Variants in TLE4 observed in about 807,000 individuals in gnomAD.
The protein encoded by TLE4 is TLE family member 4, transcriptional corepressor.
A neutral mutation model predicts 92.8 loss-of-function variants in TLE4; 8 were observed. The observed-to-expected ratio is 0.09, with a 90% CI of 0.05 to 0.16. The LOEUF (loss-of-function observed/expected upper bound fraction) is 0.16. TLE4 is among the 10% of genes least tolerant of loss of function. The pLI is 1.00. For missense variants in TLE4, 675 were observed against 997.6 expected, an observed-to-expected ratio of 0.68 and a Z score of 4.36; for synonymous variants, 371 against 374.1, an observed-to-expected ratio of 0.99 and a Z score of 0.10.
At chr9:79,648,419 C>G (rs2058434877) in intron 6 of TLE4, among the ~76,000 whole-genome samples, 1 of 152,020 alleles carries the variant, frequency 6.6e-6, no homozygotes, top group East Asian at 1.9e-4. Context: ...ACAGGGAGCC[C>G]TATAAGATGA....
chr9:79,635,357 G>A (rs1321332386), intron 6 of TLE4, among the ~76,000 whole-genome samples: 2 of 150,208 alleles, frequency 1.3e-5, no homozygotes, highest in African/African-American at 4.9e-5. Flanking sequence ...ATTTTTTTGT[G>A]TATTTTGTAA....
At chr9:79,605,498 C>T (rs536325884) in intron 4 of TLE4, among the ~76,000 whole-genome samples, 2 of 152,140 alleles carry the variant, frequency 1.3e-5, no homozygotes, top group East Asian at 1.9e-4. Flanking sequence ...TGCATGTAGG[C>T]GAATAGGCAC....
intron 13 of TLE4, among the ~76,000 whole-genome samples, 165 bp downstream of exon 13, chr9:79,708,951 C>A (rs1351142140): frequency 6.6e-6 from 1 of 152,172 alleles, no homozygotes; most frequent in Non-Finnish European, 1.5e-5. Flanking sequence ...CCCACCTCAG[C>A]CTCTCAAGTA....
chr9:79,656,558 A>G (rs1418404573), intron 8 of TLE4, among the ~76,000 whole-genome samples: 2 of 152,230 alleles, frequency 1.3e-5, no homozygotes, highest in Non-Finnish European at 2.9e-5. Context: ...AATTTTTTAT[A>G]GCTCCTCTAA....
At chr9:79,585,484 G>A (rs1386355337) in intron 4 of TLE4, among the ~76,000 whole-genome samples, 2 of 152,150 alleles carry the variant, frequency 1.3e-5, no homozygotes, top group Non-Finnish European at 2.9e-5. Context: ...TCAGATTCTA[G>A]TTCTGGCCTT....
intron 6 of TLE4, among the ~76,000 whole-genome samples, chr9:79,631,663 T>TG (rs1312981283): frequency 6.7e-5 from 10 of 148,660 alleles, no homozygotes; most frequent in South Asian, 2.1e-4. Flanking sequence ...TGTGTGTGTG[T>TG]TTTCTACATT....
At position 79,704,817 on chromosome 9, in the gene TLE4, G is replaced by A; in HGVS notation, c.644G>A (p.Gly215Asp). 1.2e-6 allele frequency: 2 copies of A among 1,614,082 alleles called. No individual in the cohort carries two copies. The highest frequency in any genetic ancestry group is 1.7e-6 in the Non-Finnish European group (2 of 1,180,014). ...SSVSPSASFR[G>D]AEKHRNSADY... ...GTATCCCCATCAGCCAGTTTCCGAG[G>A]TGCTGAGAAGCACAGAAACTCCGCA... is the stretch of plus-strand genomic sequence containing the variant. The change falls in exon 9 of 20, where the codon GGT becomes GAT. Residue 215 changes from glycine to aspartate, a missense_variant. Around this residue, in one of 5 missense-constraint regions of TLE4, gnomAD observed 280 missense variants for 287.3 expected, o/e 0.97. Transcript: ENST00000376552.
intron 4 of TLE4, chr9:79,601,432 T>C (rs972698449): frequency 1.1e-5 from 5 of 456,212 alleles, no homozygotes; most frequent in Non-Finnish European, 1.8e-5. Context: ...TTTTCACAAA[T>C]TGAAGGCTGT....
At chr9:79,641,398 C>T (rs2057114662) in intron 6 of TLE4, among the ~76,000 whole-genome samples, 1 of 152,100 alleles carries the variant, frequency 6.6e-6, no homozygotes, top group South Asian at 2.1e-4. Context: ...CAAAACCAAA[C>T]CCCAAAACCC....
At chr9:79,648,019 G>T (rs753887326) in intron 6 of TLE4, among the ~76,000 whole-genome samples, 3 of 152,080 alleles carry the variant, frequency 2.0e-5, no homozygotes, top group African/African-American at 2.4e-5. Context: ...TGAGCCCTAG[G>T]AGTTTAGATG....
intron 16 of TLE4, 66 bp from the exon 17 acceptor site, chr9:79,721,675 A>G: frequency 6.2e-7 from 1 of 1,602,796 alleles, no homozygotes. Flanking sequence ...TCATCAAGGA[A>G]TTCTAAATTG....
intron 8 of TLE4, among the ~76,000 whole-genome samples, chr9:79,700,291 C>G (rs1477149847): frequency 6.6e-6 from 1 of 152,236 alleles, no homozygotes; most frequent in Non-Finnish European, 1.5e-5. Context: ...CTCTTGCCTG[C>G]TATTAAAATC....
chr9:79,602,415 G>A (rs2045870365), intron 4 of TLE4, among the ~76,000 whole-genome samples: 1 of 152,202 alleles, frequency 6.6e-6, no homozygotes, highest in African/African-American at 2.4e-5. Flanking sequence ...CCCTTGTTAT[G>A]TGACTAATGC....
Position 79,722,618 on chromosome 9 carries a change from T to A in TLE4, c.2137+17T>A. ...CCCATTGTGGTAAGCAAGCACCTTT[T>A]GTCCATTTTCTGTCAACCAGAATTG... On this transcript the variant is annotated intron_variant, in intron 18 of 19. Coordinates refer to ENST00000376552, the MANE Select transcript of TLE4 (RefSeq NM_007005.6). The A allele has an allele frequency of 6.2e-7, 1 of 1,611,646 alleles. No individual in the cohort carries two copies. Among genetic ancestry groups the A allele is most frequent in the Non-Finnish European group, 8.5e-7 (1 of 1,178,944 alleles).
chr9:79,654,131 G>T, intron 8 of TLE4, 56 bp downstream of exon 8: 1 of 1,515,400 alleles, frequency 6.6e-7, no homozygotes, highest in Non-Finnish European at 9.2e-7. Flanking sequence ...TAAATGATTT[G>T]AATGAATCTA....
chr9:79,708,848 T>C (rs2072446857), intron 13 of TLE4, 62 bp downstream of exon 13: 2 of 1,515,278 alleles, frequency 1.3e-6, no homozygotes, highest in Non-Finnish European at 1.8e-6. Context: ...GCTTGATTGA[T>C]TGCGACAGGG....
chr9:79,586,686 A>C (rs1015677946), intron 4 of TLE4, among the ~76,000 whole-genome samples: 1 of 152,256 alleles, frequency 6.6e-6, no homozygotes, highest in Non-Finnish European at 1.5e-5. Context: ...TAAGTAGAAG[A>C]AGGGAGAAAT....
chr9:79,573,638 C>A (rs1340727142), intron 1 of TLE4, 51 bp from the exon 2 acceptor site: 1 of 1,455,174 alleles, frequency 6.9e-7, no homozygotes, highest in Non-Finnish European at 9.4e-7. Context: ...CTCCGTCTCC[C>A]TGCTTCGCCT....
At chr9:79,576,929 G>A (rs551178113) in intron 4 of TLE4, 5 of 151,400 alleles carry the variant, frequency 3.3e-5, no homozygotes, top group Middle Eastern at 3.5e-3. Context: ...GAATAATAGC[G>A]GGTATATCTA....
Sources: gnomAD v4.1 joint callset for allele counts (sites outside exome capture counted in the v4.1 genomes callset) on GRCh38, gnomAD v4.1.1 for gene constraint, gnomAD v4.1.1 regional missense constraint, MANE v1.5 for transcripts, NCBI Gene and HGNC (gene_info 2026-07-23, HGNC 2026-07-21) for gene names.